Variants in MYO3A observed in about 807,000 individuals in gnomAD.
The protein encoded by MYO3A is myosin-IIIa.
Under a neutral mutation model 192.7 loss-of-function variants are expected in MYO3A, and 180 were observed. The ratio of observed to expected loss-of-function variants is 0.93; its 90% CI spans 0.83 to 1.06. The LOEUF (loss-of-function observed/expected upper bound fraction) is 1.06, where lower values mean the gene tolerates loss of function less well. MYO3A is among the 50% of genes least tolerant of loss of function. The pLI, the probability that MYO3A is intolerant of heterozygous loss-of-function variation, is 0.00. For missense variants in MYO3A, 1,896 were observed against 1,905.0 expected (o/e 1.00, Z 0.09); for synonymous variants, 628 against 645.3 (o/e 0.97, Z 0.41).
chr10:25,942,315 TAGGTGTATACAGC>T (rs1421129116), intron 2 of MYO3A, among the ~76,000 whole-genome samples: 1 of 152,220 alleles, frequency 6.6e-6, no homozygotes, highest in African/African-American at 2.4e-5. Context: ...TAATAATCTG[TAGGTGTATACAGC>T]ATTTTGTTAT....
intron 6 of MYO3A, among the ~76,000 whole-genome samples, chr10:26,002,199 C>G (rs1840871492): frequency 1.3e-5 from 2 of 152,140 alleles, no homozygotes; most frequent in Admixed American, 6.5e-5. Context: ...TGAATTTTGA[C>G]CAGTTACACA....
intron 31 of MYO3A, among the ~76,000 whole-genome samples, chr10:26,185,266 G>T (rs1842806212): frequency 6.8e-6 from 1 of 147,220 alleles, no homozygotes; most frequent in Non-Finnish European, 1.5e-5. Flanking sequence ...AGATCTCCAT[G>T]ATACACTAAC....
At chr10:26,155,995 A>G (rs1841085802) in intron 25 of MYO3A, among the ~76,000 whole-genome samples, 1 of 152,330 alleles carries the variant, frequency 6.6e-6, no homozygotes, top group South Asian at 2.1e-4. Flanking sequence ...AGCTATTTTC[A>G]TTCTGCAGAG....
At chr10:26,133,350 G>A (rs1839647422) in intron 20 of MYO3A, among the ~76,000 whole-genome samples, 1 of 152,180 alleles carries the variant, frequency 6.6e-6, no homozygotes, top group Non-Finnish European at 1.5e-5. Context: ...ATGTCCACGT[G>A]GTTGGTTGGT....
At chr10:26,130,739 C>G (rs1027348251) in intron 20 of MYO3A, among the ~76,000 whole-genome samples, 6 of 152,276 alleles carry the variant, frequency 3.9e-5, no homozygotes, top group African/African-American at 1.4e-4. Context: ...AATGTGTTAT[C>G]CAGAAGATAC....
chr10:26,086,885 T>C (rs1836360710), intron 14 of MYO3A, among the ~76,000 whole-genome samples: 1 of 152,204 alleles, frequency 6.6e-6, no homozygotes, highest in African/African-American at 2.4e-5. Context: ...TTCTCATCAA[T>C]GATAAATTAA....
intron 4 of MYO3A, among the ~76,000 whole-genome samples, chr10:25,957,884 A>G (rs1216521492): frequency 6.6e-6 from 1 of 152,114 alleles, no homozygotes; most frequent in Non-Finnish European, 1.5e-5. Context: ...CTACATGTAT[A>G]TCTTCTTTTG....
chr10:26,193,295 A>G lies in MYO3A; in HGVS notation c.4529A>G (p.Tyr1510Cys), dbSNP rs780860795. ...TTAAATAACCCTGAAGACTCCACAT[A>G]CTATTATCTACTTCATGTAAGTGGC... ...KTLNNPEDSTYYYLLHKSIQE... is the reference protein window; with the variant it reads ...KTLNNPEDSTCYYLLHKSIQE... The change falls in exon 32 of 35, where the codon TAC becomes TGC. Residue 1510 changes from tyrosine to cysteine, a missense_variant. Tyr to Cys is a radical substitution (Grantham distance 194). Transcript: ENST00000642920. The G allele has an allele frequency of 9.3e-6, 15 of 1,612,166 alleles. No homozygotes were observed. The highest frequency in any genetic ancestry group is 1.2e-5 in the Non-Finnish European group (14 of 1,178,512).
chr10:26,209,934 A>G (rs1241202522), intron 34 of MYO3A, among the ~76,000 whole-genome samples: 1 of 152,030 alleles, frequency 6.6e-6, no homozygotes. Context: ...TGTCTTTACA[A>G]AAACATAAAA....
chr10:26,078,160 T>G (rs959084909), intron 14 of MYO3A, among the ~76,000 whole-genome samples: 1 of 147,196 alleles, frequency 6.8e-6, no homozygotes, highest in Non-Finnish European at 1.5e-5. Context: ...ATTTTAAAAT[T>G]ACAATTTCAA....
intron 31 of MYO3A, among the ~76,000 whole-genome samples, chr10:26,190,652 CCTTCAGAAA>C (rs1843082918): frequency 2.0e-5 from 3 of 152,114 alleles, no homozygotes; most frequent in Admixed American, 2.0e-4. Flanking sequence ...AAGTCATCTA[CCTTCAGAAA>C]CTTTATCCTG....
intron 4 of MYO3A, among the ~76,000 whole-genome samples, chr10:25,985,861 T>G (rs1839619347): frequency 6.6e-6 from 1 of 152,194 alleles, no homozygotes; most frequent in African/African-American, 2.4e-5. Context: ...AGTATCACCC[T>G]AATACCAAAA....
At chr10:26,017,454 C>T (rs542983003) in intron 7 of MYO3A, among the ~76,000 whole-genome samples, 2 of 152,208 alleles carry the variant, frequency 1.3e-5, no homozygotes, top group South Asian at 2.1e-4. Flanking sequence ...TGATTTTAAT[C>T]TTTTAAATTA....
chr10:26,002,436 C>T (rs7903459), intron 6 of MYO3A, among the ~76,000 whole-genome samples: 14,356 of 152,212 alleles, frequency 0.094, 1,195 homozygotes, highest in African/African-American at 0.21. Flanking sequence ...CACTGATGCA[C>T]GTGGCCCCTG....
At chr10:25,991,817 T>A (rs1305132305) in intron 4 of MYO3A, among the ~76,000 whole-genome samples, 2 of 152,090 alleles carry the variant, frequency 1.3e-5, no homozygotes, top group Non-Finnish European at 2.9e-5. Flanking sequence ...AAAGATCAGA[T>A]AGTTGTAGAT....
At chr10:26,024,690 G>T (rs2131103893) in intron 9 of MYO3A, among the ~76,000 whole-genome samples, 1 of 152,270 alleles carries the variant, frequency 6.6e-6, no homozygotes, top group Middle Eastern at 3.4e-3. Context: ...GCATTTGCTT[G>T]TCTGAAAAGG....
chr10:26,017,062 T>A, intron 7 of MYO3A, 166 bp downstream of exon 7: 2 of 728,242 alleles, frequency 2.7e-6, no homozygotes, highest in Non-Finnish European at 4.8e-6. Flanking sequence ...ACCTGGGAGG[T>A]GGTCAATAAA....
intron 32 of MYO3A, among the ~76,000 whole-genome samples, chr10:26,194,238 C>A (rs1843291875): frequency 6.6e-6 from 1 of 152,190 alleles, no homozygotes; most frequent in East Asian, 1.9e-4. Context: ...CTAAACCATA[C>A]CTTTGAGCAT....
chr10:25,935,102 C>T (rs1324797524), intron 1 of MYO3A, among the ~76,000 whole-genome samples: 2 of 152,246 alleles, frequency 1.3e-5, no homozygotes, highest in South Asian at 2.1e-4. Flanking sequence ...CGGGTGATTT[C>T]TCAGAACAAG....
Sources: gnomAD v4.1 joint callset for allele counts (sites outside exome capture counted in the v4.1 genomes callset) on GRCh38, gnomAD v4.1.1 for gene constraint, MANE v1.5 for transcripts, NCBI Gene and HGNC (gene_info 2026-07-23, HGNC 2026-07-21) for gene names.